The following SUPT3H variants were observed in gnomAD, a reference collection of about 807,000 sequenced individuals.
SUPT3H encodes SPT3 homolog, SAGA and STAGA complex component.
SUPT3H carries 44 observed loss-of-function variants against 44.3 expected under a neutral mutation model. The observed-to-expected ratio is 0.99, with a 90% CI of 0.78 to 1.28. The LOEUF (loss-of-function observed/expected upper bound fraction) is 1.28. Ranked by LOEUF, SUPT3H falls within the 50% of genes most tolerant of loss-of-function variation. The probability of loss-of-function intolerance (pLI) is 0.00; values close to 1 mark genes in which losing one functional copy is unlikely to be tolerated. For synonymous variants in SUPT3H, 124 were observed against 125.6 expected (o/e 0.99, Z 0.09); for missense variants, 380 against 387.1 (o/e 0.98, Z 0.15).
intron 5 of SUPT3H, among the ~76,000 whole-genome samples, chr6:45,006,677 A>G (rs139797705): frequency 6.6e-6 from 1 of 152,078 alleles, no homozygotes; most frequent in South Asian, 2.1e-4. Flanking sequence ...CCTTCAGAAC[A>G]CTTTCATTTT....
At chr6:44,966,914 G>A (rs777585959) in intron 6 of SUPT3H, among the ~76,000 whole-genome samples, 1 of 152,028 alleles carries the variant, frequency 6.6e-6, no homozygotes, top group Non-Finnish European at 1.5e-5. Context: ...TATCTCAGAC[G>A]GCCACATGAA....
chr6:45,249,529 A>T (rs2153651893), intron 2 of SUPT3H, among the ~76,000 whole-genome samples: 1 of 152,316 alleles, frequency 6.6e-6, no homozygotes, highest in Admixed American at 6.5e-5. Flanking sequence ...CACCCGATGA[A>T]ATAGAAACCT....
chr6:45,043,690 A>G (rs913859751), intron 3 of SUPT3H, among the ~76,000 whole-genome samples: 11 of 152,156 alleles, frequency 7.2e-5, no homozygotes, highest in African/African-American at 2.7e-4. Flanking sequence ...AAGACTATAC[A>G]CATATTAAAG....
intron 2 of SUPT3H, among the ~76,000 whole-genome samples, chr6:45,164,543 A>C (rs1809548345): frequency 6.6e-6 from 1 of 152,080 alleles, no homozygotes; most frequent in Non-Finnish European, 1.5e-5. Context: ...GTCAACCTAC[A>C]AGTGTCTGCC....
At chr6:45,141,041 A>C (rs1373887180) in intron 2 of SUPT3H, among the ~76,000 whole-genome samples, 2 of 152,188 alleles carry the variant, frequency 1.3e-5, no homozygotes, top group African/African-American at 2.4e-5. Flanking sequence ...GCATTGCCAC[A>C]TAAAGAATTC....
rs141306333 is a variant in SUPT3H, at chr6:45,164,506, A to T, written c.102-58500T>A. Among the ~76,000 whole-genome samples the T allele has an allele frequency of 2.8e-3, 420 of 152,164 alleles. 1 individual carries two copies. The highest frequency in any genetic ancestry group is 9.5e-3 in the African/African-American group (394 of 41,500). On this transcript the variant is annotated intron_variant, in intron 2 of 10. Transcript: ENST00000371459. Reference sequence around the variant, plus strand: ...TCTCCTTTATACAGGTAGACAGGAGAGGTGTTAGGGAATGAGTGCTTCGTT... The same window carrying T: ...TCTCCTTTATACAGGTAGACAGGAGTGGTGTTAGGGAATGAGTGCTTCGTT...
At chr6:44,821,997 T>C (rs967800266), downstream of SUPT3H, among the ~76,000 whole-genome samples, 3 of 152,356 alleles carry the variant, frequency 2.0e-5, no homozygotes, top group Admixed American at 6.5e-5. Flanking sequence ...TAGCAGGATT[T>C]CAGTATCACG....
intron 2 of SUPT3H, among the ~76,000 whole-genome samples, chr6:45,215,123 T>C (rs1258670167): frequency 6.6e-6 from 1 of 152,076 alleles, no homozygotes; most frequent in African/African-American, 2.4e-5. Flanking sequence ...CTACCACTAC[T>C]GCACTAACTC....
chr6:44,931,923 G>A (rs926967184), intron 10 of SUPT3H, among the ~76,000 whole-genome samples: 1 of 151,956 alleles, frequency 6.6e-6, no homozygotes, highest in Non-Finnish European at 1.5e-5. Context: ...TGTTAAAACA[G>A]AGTATCAAAA....
intron 5 of SUPT3H, among the ~76,000 whole-genome samples, chr6:45,012,167 GC>G (rs1315705530): frequency 6.8e-6 from 1 of 146,898 alleles, no homozygotes; most frequent in Admixed American, 6.7e-5. Flanking sequence ...CCTAATTGGA[GC>G]TTGTTGATAT....
chr6:45,276,003 T>TA (rs1216211855), intron 2 of SUPT3H, among the ~76,000 whole-genome samples: 1 of 152,122 alleles, frequency 6.6e-6, no homozygotes, highest in African/African-American at 2.4e-5. Flanking sequence ...TTATTTTTTC[T>TA]AATGTACCAT....
chr6:45,044,488 C>G (rs1789068705), intron 3 of SUPT3H, among the ~76,000 whole-genome samples: 1 of 152,126 alleles, frequency 6.6e-6, no homozygotes, highest in African/African-American at 2.4e-5. Flanking sequence ...CTGTAAATCA[C>G]TTGTAGTCAG....
At chr6:44,835,400 C>T (rs1769650259) in intron 10 of SUPT3H, among the ~76,000 whole-genome samples, 1 of 152,138 alleles carries the variant, frequency 6.6e-6, no homozygotes, top group South Asian at 2.1e-4. Flanking sequence ...GCTGCCCTGT[C>T]ACCAAGAGCC....
chr6:45,027,881 G>T (rs996893951), intron 3 of SUPT3H, among the ~76,000 whole-genome samples: 40 of 152,128 alleles, frequency 2.6e-4, no homozygotes, highest in Non-Finnish European at 4.6e-4. Flanking sequence ...AGCTTAAAAT[G>T]TTGCTGTTGA....
chr6:45,281,370 G>C (rs2153666688), intron 2 of SUPT3H, among the ~76,000 whole-genome samples: 1 of 152,306 alleles, frequency 6.6e-6, no homozygotes, highest in East Asian at 1.9e-4. Context: ...GACAGCACCT[G>C]GAAAATCGGG....
chr6:45,115,760 T>C (rs551490208), intron 2 of SUPT3H, among the ~76,000 whole-genome samples: 1 of 152,302 alleles, frequency 6.6e-6, no homozygotes, highest in Admixed American at 6.5e-5. Flanking sequence ...AAAAATGCAC[T>C]TACATTCAAC....
chr6:44,904,680 A>G (rs982925890), intron 10 of SUPT3H, among the ~76,000 whole-genome samples: 6 of 152,210 alleles, frequency 3.9e-5, no homozygotes, highest in African/African-American at 1.4e-4. Flanking sequence ...TTTAAAGTTC[A>G]TATGGAACCA....
At chr6:44,812,540 C>T (rs1406505226) in intron 11 of SUPT3H, among the ~76,000 whole-genome samples, 1 of 152,190 alleles carries the variant, frequency 6.6e-6, no homozygotes, top group Admixed American at 6.5e-5. Context: ...AACCTTCATG[C>T]CATCTGCAAC....
At chr6:45,191,977 C>G (rs1815216880) in intron 2 of SUPT3H, among the ~76,000 whole-genome samples, 1 of 152,064 alleles carries the variant, frequency 6.6e-6, no homozygotes, top group African/African-American at 2.4e-5. Context: ...CATTTTATTT[C>G]AGTCTCCTCA....
Sources: gnomAD v4.1 joint callset for allele counts (sites outside exome capture counted in the v4.1 genomes callset) on GRCh38, gnomAD v4.1.1 for gene constraint, MANE v1.5 for transcripts, NCBI Gene and HGNC (gene_info 2026-07-23, HGNC 2026-07-21) for gene names.